NAV3: variants seen among roughly 807,000 people sequenced by gnomAD.
NAV3 encodes pore membrane and/or filament interacting like protein 1.
In NAV3, 87 loss-of-function variants were observed where a neutral mutation model predicts 244.7. The observed-to-expected ratio is 0.36, with a 90% CI of 0.30 to 0.42. The LOEUF is 0.42. Ranked by LOEUF, NAV3 falls within the 20% of genes least tolerant of loss-of-function variation. NAV3 has a pLI of 1.00. For missense variants in NAV3, 2,663 were observed against 2,893.3 expected (o/e 0.92, Z 1.83); for synonymous variants, 1,126 against 1,042.2 (o/e 1.08, Z -1.55).
chr12:77,777,849 A>G (rs1870445596), intron 2 of NAV3, among the ~76,000 whole-genome samples: 1 of 150,586 alleles, frequency 6.6e-6, no homozygotes, highest in Non-Finnish European at 1.5e-5. Context: ...CTCTGTCACC[A>G]GGCTGGAGTG....
chr12:77,946,102 GTATA>G lies in NAV3; in HGVS notation c.414+4985_414+4988del, dbSNP rs35092398. ...AGAAAAATTCACCATATATATATAT[GTATA>G]TATATATATATATATTGTGTAAATA... On this transcript the variant is annotated intron_variant, in intron 3 of 39. Coordinates refer to ENST00000397909, the MANE Select transcript of NAV3 (RefSeq NM_001024383.2). Among the ~76,000 whole-genome samples, 121 of 141,770 alleles carry G rather than the reference GTATA, an allele frequency of 8.5e-4. 1 individual carries two copies. The East Asian group carries it at 0.013, about 15-fold the overall frequency. The allele number at this position is 141,770 out of a possible 152,430, so 93.0% of individuals were successfully genotyped here. A position where few individuals can be genotyped will look rare whatever the true frequency, so the allele number is the denominator to read the frequency against.
chr12:77,687,134 C>A (rs74104994), intron 2 of NAV3, among the ~76,000 whole-genome samples: 4,126 of 152,190 alleles, frequency 0.027, 187 homozygotes, highest in African/African-American at 0.094. Flanking sequence ...AATGTCTTAT[C>A]CCTGGTCTAT....
intron 2 of NAV3, among the ~76,000 whole-genome samples, chr12:77,754,820 GGATA>G (rs1869045286): frequency 6.6e-6 from 1 of 152,082 alleles, no homozygotes; most frequent in African/African-American, 2.4e-5. Flanking sequence ...CTCTGCCTTG[GGATA>G]GATGTGTTGC....
intron 9 of NAV3, among the ~76,000 whole-genome samples, chr12:78,041,979 TC>T (rs1472321597): frequency 6.6e-6 from 1 of 152,104 alleles, no homozygotes; most frequent in Non-Finnish European, 1.5e-5. Context: ...TCCATTCCCT[TC>T]CCAGCCGTCC....
At chr12:77,911,659 G>A (rs1208441406) in intron 1 of NAV3, among the ~76,000 whole-genome samples, 1 of 151,974 alleles carries the variant, frequency 6.6e-6, no homozygotes, top group Non-Finnish European at 1.5e-5. Flanking sequence ...TTACTCATAA[G>A]AGTTTACCAA....
rs1314714977 is a variant in NAV3, at chr12:78,146,402, AAAT to A, written c.4707+12_4707+14del. 3 of 1,089,568 alleles carry A rather than the reference AAAT, an allele frequency of 2.8e-6. No individual in the cohort carries two copies. Among genetic ancestry groups the A allele is most frequent in the Non-Finnish European group, 2.6e-6 (2 of 783,294 alleles). The allele number at this position is 1,089,568 out of a possible 1,614,324, so 67.5% of individuals were successfully genotyped here. The stretch of plus-strand genomic sequence containing the variant: ...AAAGGCTCATTCAGAGGTAAAAAAA[AAAT>A]ATGCAATATTTTAATATTTTCTATT... On this transcript the variant is annotated intron_variant, in intron 21 of 39. Coordinates refer to ENST00000397909, the MANE Select transcript of NAV3 (RefSeq NM_001024383.2).
chr12:77,868,456 A>T (rs984836972), intron 1 of NAV3, among the ~76,000 whole-genome samples: 2 of 152,120 alleles, frequency 1.3e-5, no homozygotes, highest in African/African-American at 4.8e-5. Flanking sequence ...GAAAACTGTC[A>T]TTGCAGACCA....
intron 2 of NAV3, among the ~76,000 whole-genome samples, chr12:77,623,586 A>T (rs1352939141): frequency 6.6e-6 from 1 of 152,214 alleles, no homozygotes; most frequent in Non-Finnish European, 1.5e-5. Context: ...ATAAAAAAAT[A>T]TTCACAGAAA....
At chr12:78,044,606 T>C (rs1240373867) in intron 9 of NAV3, among the ~76,000 whole-genome samples, 5 of 152,210 alleles carry the variant, frequency 3.3e-5, no homozygotes, top group Non-Finnish European at 7.3e-5. Flanking sequence ...TCTTATTTCC[T>C]GGAGCAGTGG....
intron 2 of NAV3, among the ~76,000 whole-genome samples, chr12:77,651,148 A>T (rs1491039): frequency 0.03 from 4,529 of 151,374 alleles, 77 homozygotes; most frequent in Middle Eastern, 0.044. Flanking sequence ...GTTAATTATA[A>T]AAAAAAAATT....
intron 1 of NAV3, among the ~76,000 whole-genome samples, chr12:77,889,735 T>C (rs953860041): frequency 3.9e-5 from 6 of 152,198 alleles, no homozygotes; most frequent in Non-Finnish European, 5.9e-5. Flanking sequence ...TTAATAACTT[T>C]AGGTTTTTCT....
intron 24 of NAV3, among the ~76,000 whole-genome samples, chr12:78,174,618 A>G (rs1958143595): frequency 6.6e-6 from 1 of 151,950 alleles, no homozygotes; most frequent in African/African-American, 2.4e-5. Flanking sequence ...TTACTATTCT[A>G]TAATAAGTCA....
intron 2 of NAV3, among the ~76,000 whole-genome samples, chr12:77,697,287 T>A (rs1875349430): frequency 6.6e-6 from 1 of 152,114 alleles, no homozygotes; most frequent in Non-Finnish European, 1.5e-5. Flanking sequence ...ACAACTATCC[T>A]CAGGCTTGTA....
intron 2 of NAV3, among the ~76,000 whole-genome samples, chr12:77,820,192 G>A (rs555948821): frequency 3.6e-4 from 55 of 152,188 alleles, no homozygotes; most frequent in African/African-American, 1.3e-3. Flanking sequence ...TGATCACTTT[G>A]CATCTTTTAT....
At position 78,051,079 on chromosome 12, in the gene NAV3, T is replaced by C. The variant is rs1373327543; in HGVS notation, c.2448T>C (p.Asp816=). Residue 816 remains aspartate (D), a synonymous_variant, in exon 11 of 40, where the codon GAT becomes GAC. Coordinates refer to ENST00000397909, the MANE Select transcript of NAV3 (RefSeq NM_001024383.2). ...SSDLDMSSEV[D]VGGYMSDGDI... ...ACCTGGACATGTCTTCTGAGGTCGA[T>C]GTGGGTGGATATATGAGTGATGGTG... The C allele has an allele frequency of 6.2e-7, 1 of 1,614,088 alleles. No homozygotes were observed.
In NAV3 at chr12:78,185,691, G is replaced by A. The variant is rs768081305; in HGVS notation, c.5783G>A (p.Arg1928Gln). Reference sequence around the variant, plus strand: ...GTCTCCATAAGCAAGGGCTATGGTCGAGCAAAGGTACTTCTTTAATCTTAA... The same window carrying A: ...GTCTCCATAAGCAAGGGCTATGGTCAAGCAAAGGTACTTCTTTAATCTTAA... ...IIVSISKGYG[R>Q]AKDQKSQAYL... is the part of the protein sequence containing the mutation. Residue 1928 changes from arginine to glutamine, a missense_variant, in exon 31 of 40, where the codon CGA becomes CAA. Arg to Gln is a conservative substitution (Grantham distance 43). Coordinates refer to ENST00000397909, the MANE Select transcript of NAV3 (RefSeq NM_001024383.2). The A allele has an allele frequency of 1.0e-5, 16 of 1,606,874 alleles. No individual in the cohort carries two copies. Among genetic ancestry groups the A allele is most frequent in the African/African-American group, 4.0e-5 (3 of 74,624 alleles).
At chr12:78,118,398 T>C in intron 14 of NAV3, 101 bp downstream of exon 14, 1 of 1,416,684 alleles carries the variant, frequency 7.1e-7, no homozygotes, top group Non-Finnish European at 9.5e-7. Flanking sequence ...AAATACCAAA[T>C]TCTTATCCAT....
intron 1 of NAV3, among the ~76,000 whole-genome samples, chr12:77,861,643 C>T (rs1879272047): frequency 6.6e-6 from 1 of 151,766 alleles, no homozygotes; most frequent in African/African-American, 2.4e-5. Flanking sequence ...TTGCTATTAC[C>T]TTCTGTCCAG....
chr12:78,155,089 C>T (rs1320557536), intron 22 of NAV3, among the ~76,000 whole-genome samples: 1 of 151,952 alleles, frequency 6.6e-6, no homozygotes, highest in African/African-American at 2.4e-5. Flanking sequence ...TCAACATATG[C>T]CATAGTGATT....
Sources: allele counts gnomAD v4.1 joint callset (sites outside exome capture counted in the v4.1 genomes callset), GRCh38; gene constraint gnomAD v4.1.1; transcripts MANE v1.5; gene names NCBI Gene and HGNC (gene_info 2026-07-23, HGNC 2026-07-21).